TAOK3: variants seen among roughly 807,000 people sequenced by gnomAD.
TAOK3 encodes the protein TAO kinase 3, also known as serine/threonine-protein kinase TAO3.
In TAOK3, 40 loss-of-function variants were observed where a neutral mutation model predicts 120.4. The ratio of observed to expected loss-of-function variants is 0.33; its 90% CI spans 0.26 to 0.43. The LOEUF is 0.43. TAOK3 is among the 20% of genes least tolerant of loss of function. The pLI is 1.00. For synonymous variants in TAOK3, 355 were observed against 387.5 expected (o/e 0.92, Z 0.99); for missense variants, 821 against 1,112.1 (o/e 0.74, Z 3.72).
At chr12:118,325,076 A>T (rs775943962) in intron 1 of TAOK3, among the ~76,000 whole-genome samples, 6 of 152,136 alleles carry the variant, frequency 3.9e-5, no homozygotes, top group Non-Finnish European at 8.8e-5. Context: ...ATGGCTCAAT[A>T]ATAATCCACT....
At chr12:118,204,819 T>G (rs1431456794) in intron 11 of TAOK3, among the ~76,000 whole-genome samples, 1 of 152,008 alleles carries the variant, frequency 6.6e-6, no homozygotes, top group African/African-American at 2.4e-5. Context: ...CACCTGAGAC[T>G]AAGAGTTCAA....
chr12:118,167,361 C>T (rs1391037514), intron 17 of TAOK3, among the ~76,000 whole-genome samples: 3 of 151,818 alleles, frequency 2.0e-5, no homozygotes, highest in African/African-American at 7.3e-5. Flanking sequence ...CATTCTTTGA[C>T]CCAGGAATTC....
intron 1 of TAOK3, among the ~76,000 whole-genome samples, chr12:118,317,842 G>T (rs2043534457): frequency 6.6e-6 from 1 of 152,086 alleles, no homozygotes; most frequent in African/African-American, 2.4e-5. Context: ...ACAAAAACCA[G>T]TTGGAGGACT....
intron 11 of TAOK3, among the ~76,000 whole-genome samples, chr12:118,205,414 T>C (rs2139349013): frequency 6.6e-6 from 1 of 151,800 alleles, no homozygotes; most frequent in South Asian, 2.1e-4. Flanking sequence ...GTGAGAAAAT[T>C]TGGGCCCTGA....
At chr12:118,298,706 T>A (rs1447223458) in intron 1 of TAOK3, among the ~76,000 whole-genome samples, 1 of 152,204 alleles carries the variant, frequency 6.6e-6, no homozygotes. Context: ...GAATGAAACA[T>A]GCAATGTTTC....
At chr12:118,261,110 A>T (rs1167290813) in intron 2 of TAOK3, among the ~76,000 whole-genome samples, 1 of 152,252 alleles carries the variant, frequency 6.6e-6, no homozygotes. Context: ...AACAGGAACT[A>T]TCCAAAATAA....
chr12:118,265,459 T>C (rs1230440793), intron 2 of TAOK3, among the ~76,000 whole-genome samples: 1 of 149,026 alleles, frequency 6.7e-6, no homozygotes, highest in Non-Finnish European at 1.5e-5. Flanking sequence ...CACATACACT[T>C]ACCTACAAAC....
At position 118,177,511 on chromosome 12, in the gene TAOK3, C is replaced by A. The variant is rs1593049116; in HGVS notation, c.1567-182G>T. Among the ~76,000 whole-genome samples the A allele has an allele frequency of 1.4e-5, 2 of 146,808 alleles. 1 individual carries two copies. Among genetic ancestry groups the A allele is most frequent in the South Asian group, 4.3e-4 (2 of 4,638 alleles). On this transcript the variant is annotated intron_variant, in intron 15 of 20. Coordinates refer to ENST00000392533, the MANE Select transcript of TAOK3 (RefSeq NM_016281.4). ...TCTTAAAGAAACACAAAAAAAAAAA[C>A]ACCAGAAATTTTCACCATTAATAAA...
intron 3 of TAOK3, chr12:118,246,594 G>A (rs3999641): frequency 6.4e-7 from 1 of 1,573,984 alleles, no homozygotes; most frequent in Non-Finnish European, 8.6e-7. Flanking sequence ...AGGCTACTGG[G>A]GGAACAAGAT....
chr12:118,169,972 C>T (rs1032981179), intron 17 of TAOK3, among the ~76,000 whole-genome samples: 4 of 151,418 alleles, frequency 2.6e-5, no homozygotes, highest in African/African-American at 9.7e-5. Context: ...CCGCCCGCCT[C>T]GGCTTCCCAA....
intron 11 of TAOK3, among the ~76,000 whole-genome samples, chr12:118,211,046 A>C (rs949520950): frequency 8.6e-5 from 13 of 151,954 alleles, no homozygotes; most frequent in African/African-American, 2.9e-4. Flanking sequence ...CTACTTATTT[A>C]TTTCTTACTC....
At chr12:118,167,859 C>A (rs1172530043) in intron 17 of TAOK3, among the ~76,000 whole-genome samples, 3 of 152,144 alleles carry the variant, frequency 2.0e-5, no homozygotes, top group African/African-American at 7.2e-5. Flanking sequence ...GCCTGGAGAA[C>A]TGCACATGAG....
chr12:118,188,266 T>C (rs913996988), intron 14 of TAOK3, among the ~76,000 whole-genome samples: 1 of 152,236 alleles, frequency 6.6e-6, no homozygotes, highest in African/African-American at 2.4e-5. Flanking sequence ...TAAGTAGTCA[T>C]AGTTCTCTAA....
At position 118,244,985 on chromosome 12, in the gene TAOK3, GA is replaced by G. The variant is rs1428741587; in HGVS notation, c.121-21del. 1.3e-6 allele frequency: 2 copies of G among 1,518,956 alleles called. No homozygotes were observed. The highest frequency in any genetic ancestry group is 1.8e-6 in the Non-Finnish European group (2 of 1,104,868). The allele number at this position is 1,518,956 out of a possible 1,614,324, so 94.1% of individuals were successfully genotyped here. On this transcript the variant is annotated intron_variant, in intron 3 of 20. Transcript: ENST00000392533. ...TGTAGCCTGTGTTAAGAGGGTAGAA[GA>G]AAAAGAAAAAGAATTAGTGATGTTT...
chr12:118,217,256 G>C (rs910226004), intron 9 of TAOK3, among the ~76,000 whole-genome samples: 2 of 152,152 alleles, frequency 1.3e-5, no homozygotes, highest in African/African-American at 4.8e-5. Flanking sequence ...CAAGAAACCA[G>C]AATGGACAAG....
At position 118,214,214 on chromosome 12, in the gene TAOK3, T is replaced by C. The variant is rs538893340; in HGVS notation, c.644-104A>G. 14 of 824,754 alleles carry C rather than the reference T, an allele frequency of 1.7e-5. 1 individual carries two copies. In the African/African-American group the frequency reaches 2.3e-4, roughly 13 times the overall value. The allele number at this position is 824,754 out of a possible 1,614,324, so 51.1% of individuals were successfully genotyped here. ...GCTTTGCGGCTAAATCAATAGCTCA[T>C]TACTGTCATCATGCCACATAATCCA... On this transcript the variant is annotated intron_variant, in intron 9 of 20. Transcript: ENST00000392533.
intron 1 of TAOK3, among the ~76,000 whole-genome samples, chr12:118,273,126 A>G (rs2041778423): frequency 6.6e-6 from 1 of 152,184 alleles, no homozygotes; most frequent in East Asian, 1.9e-4. Flanking sequence ...TATTCCTCCC[A>G]AGGATCTCAG....
intron 1 of TAOK3, among the ~76,000 whole-genome samples, chr12:118,334,137 C>CAAAAAA (rs57605394): frequency 1.0e-4 from 8 of 77,636 alleles, no homozygotes; most frequent in Non-Finnish European, 1.8e-4. Flanking sequence ...CTCCCATCTC[C>CAAAAAA]AAAAAAAAAA....
intron 3 of TAOK3, among the ~76,000 whole-genome samples, chr12:118,253,024 C>A (rs748581063): frequency 6.6e-6 from 1 of 151,898 alleles, no homozygotes; most frequent in African/African-American, 2.4e-5. Context: ...CTGCGCCCAG[C>A]CGAAATTAGC....
Sources: gnomAD v4.1 joint callset for allele counts (sites outside exome capture counted in the v4.1 genomes callset) on GRCh38, gnomAD v4.1.1 for gene constraint, MANE v1.5 for transcripts, NCBI Gene and HGNC (gene_info 2026-07-23, HGNC 2026-07-21) for gene names.